The following GRIN2A variants were observed in gnomAD, a reference collection of about 807,000 sequenced individuals.
GRIN2A encodes the protein glutamate receptor ionotropic, NMDA 2A.
GRIN2A carries 22 observed loss-of-function variants against 113.4 expected under a neutral mutation model. The observed-to-expected ratio is 0.19, with a 90% confidence interval of 0.14 to 0.28. The LOEUF is 0.28. Ranked by LOEUF, GRIN2A falls within the 10% of genes least tolerant of loss-of-function variation. GRIN2A has a pLI of 1.00. For synonymous variants in GRIN2A, 827 were observed against 738.4 expected (o/e 1.12, Z -1.94); for missense variants, 1,502 against 1,887.0 (o/e 0.80, Z 3.78).
intron 2 of GRIN2A, among the ~76,000 whole-genome samples, chr16:10,123,101 C>T (rs2048865475): frequency 6.6e-6 from 1 of 152,118 alleles, no homozygotes; most frequent in Non-Finnish European, 1.5e-5. Context: ...AGTTTTTTCC[C>T]AGCACAGGGA....
intron 2 of GRIN2A, among the ~76,000 whole-genome samples, chr16:10,035,786 T>G (rs1218709991): frequency 6.6e-6 from 1 of 151,646 alleles, no homozygotes; most frequent in Non-Finnish European, 1.5e-5. Flanking sequence ...TGCAGTGGTA[T>G]GATCTTGGCT....
intron 11 of GRIN2A, among the ~76,000 whole-genome samples, chr16:9,785,074 C>A (rs1484938480): frequency 6.6e-6 from 1 of 152,142 alleles, no homozygotes; most frequent in Non-Finnish European, 1.5e-5. Flanking sequence ...TTTGAGCCAG[C>A]CATCCCATTA....
intron 2 of GRIN2A, among the ~76,000 whole-genome samples, chr16:10,000,164 C>A (rs774458137): frequency 2.6e-5 from 4 of 152,130 alleles, no homozygotes; most frequent in Non-Finnish European, 4.4e-5. Context: ...CCAGGATAAT[C>A]TCCCCATTTC....
chr16:9,946,316 A>G (rs1227832187), intron 2 of GRIN2A, among the ~76,000 whole-genome samples: 1 of 152,126 alleles, frequency 6.6e-6, no homozygotes, highest in Non-Finnish European at 1.5e-5. Flanking sequence ...CTCACACAGA[A>G]AGCAAGCCTG....
At chr16:10,044,123 G>A (rs988894136) in intron 2 of GRIN2A, among the ~76,000 whole-genome samples, 3 of 150,742 alleles carry the variant, frequency 2.0e-5, no homozygotes, top group Non-Finnish European at 4.4e-5. Flanking sequence ...GCGCAATCTC[G>A]GCTCACTGCA....
intron 2 of GRIN2A, among the ~76,000 whole-genome samples, chr16:10,089,926 CA>C (rs1487740296): frequency 3.9e-5 from 6 of 152,096 alleles, no homozygotes; most frequent in Non-Finnish European, 8.8e-5. Flanking sequence ...GTGATCATAT[CA>C]GAGCATATCA....
Position 9,807,369 on chromosome 16 carries a change from G to A in GRIN2A, c.2169-8905C>T, listed in dbSNP as rs28690646. ...TGGAGGGGGAGAGGGAGGGAGAGGG[G>A]GAGGGAGAGGGGGAGGGAGAGAGGG... On this transcript the variant is annotated intron_variant, in intron 10 of 12. Transcript: ENST00000330684. Among the ~76,000 whole-genome samples the A allele has an allele frequency of 9.6e-3, 488 of 50,862 alleles. 25 individuals carry two copies. The highest frequency in any genetic ancestry group is 0.046 in the African/African-American group (440 of 9,622). The allele number at this position is 50,862 out of a possible 152,430, so 33.4% of individuals were successfully genotyped here. A position where few individuals can be genotyped will look rare whatever the true frequency, so the allele number is the denominator to read the frequency against.
intron 3 of GRIN2A, among the ~76,000 whole-genome samples, chr16:9,896,751 T>C (rs1006877026): frequency 2.0e-5 from 3 of 152,152 alleles, no homozygotes; most frequent in African/African-American, 4.8e-5. Flanking sequence ...AGGGAGCAAG[T>C]ACCTATTACC....
intron 4 of GRIN2A, among the ~76,000 whole-genome samples, chr16:9,886,068 G>C (rs1472403001): frequency 6.6e-6 from 1 of 152,248 alleles, no homozygotes; most frequent in African/African-American, 2.4e-5. Flanking sequence ...AGATGAGTCA[G>C]ATTCTAAGGT....
chr16:9,945,858 A>G (rs2045006141), intron 2 of GRIN2A, among the ~76,000 whole-genome samples: 1 of 152,162 alleles, frequency 6.6e-6, no homozygotes, highest in Non-Finnish European at 1.5e-5. Flanking sequence ...TATATCATTT[A>G]GTCAACTGGT....
intron 3 of GRIN2A, among the ~76,000 whole-genome samples, chr16:9,929,273 T>C (rs1302010248): frequency 7.9e-6 from 1 of 126,656 alleles, no homozygotes; most frequent in East Asian, 1.9e-4. Context: ...CCTACTGAGA[T>C]TTCCACTTGG....
At chr16:10,031,031 A>C (rs2046918941) in intron 2 of GRIN2A, among the ~76,000 whole-genome samples, 1 of 152,174 alleles carries the variant, frequency 6.6e-6, no homozygotes, top group South Asian at 2.1e-4. Flanking sequence ...CCAGGGAGAA[A>C]TCTGAACTCG....
intron 2 of GRIN2A, among the ~76,000 whole-genome samples, chr16:10,141,326 T>TAAAAATACAA (rs974277213): frequency 3.4e-5 from 5 of 148,526 alleles, no homozygotes; most frequent in African/African-American, 1.2e-4. Flanking sequence ...CTGTCTCTAA[T>TAAAAATACAA]AAAAATACAA....
At chr16:9,820,430 C>A (rs1483583183) in intron 10 of GRIN2A, among the ~76,000 whole-genome samples, 3 of 152,214 alleles carry the variant, frequency 2.0e-5, no homozygotes, top group Non-Finnish European at 4.4e-5. Context: ...TATGGCTCAG[C>A]AGTTGCAGTC....
At chr16:10,006,312 C>T (rs56311736) in intron 2 of GRIN2A, among the ~76,000 whole-genome samples, 259 of 152,204 alleles carry the variant, frequency 1.7e-3, no homozygotes, top group African/African-American at 5.8e-3. Context: ...AAATAAACCA[C>T]GTGAACAACC....
chr16:10,164,282 T>C (rs1174388470), intron 2 of GRIN2A, among the ~76,000 whole-genome samples: 1 of 152,236 alleles, frequency 6.6e-6, no homozygotes, highest in African/African-American at 2.4e-5. Flanking sequence ...TTGGTGTCTG[T>C]AAGTGGCACG....
At chr16:10,007,302 T>C (rs2046421587) in intron 2 of GRIN2A, among the ~76,000 whole-genome samples, 1 of 152,248 alleles carries the variant, frequency 6.6e-6, no homozygotes, top group Non-Finnish European at 1.5e-5. Flanking sequence ...CATCATTGCC[T>C]GTCTTTTGTA....
chr16:9,806,200 T>C (rs7191183), intron 10 of GRIN2A, among the ~76,000 whole-genome samples: 52,039 of 152,094 alleles, frequency 0.34, 9,363 homozygotes, highest in African/African-American at 0.46. Flanking sequence ...TTTGCTTCAT[T>C]GATCAGGATT....
At chr16:9,963,350 G>T (rs1003374171) in intron 2 of GRIN2A, among the ~76,000 whole-genome samples, 3 of 152,018 alleles carry the variant, frequency 2.0e-5, no homozygotes, top group African/African-American at 4.8e-5. Flanking sequence ...GTGCCATGGT[G>T]GTTGGCTGCC....
Sources: gnomAD v4.1 joint callset for allele counts (sites outside exome capture counted in the v4.1 genomes callset) on GRCh38, gnomAD v4.1.1 for gene constraint, MANE v1.5 for transcripts, NCBI Gene and HGNC (gene_info 2026-07-23, HGNC 2026-07-21) for gene names.